The following ADAMTS14 variants were observed in gnomAD, a reference collection of about 807,000 sequenced individuals.
ADAMTS14 encodes the protein ADAM metallopeptidase with thrombospondin type 1 motif 14.
In ADAMTS14, 100 loss-of-function variants were observed where a neutral mutation model predicts 128.6. The ratio of observed to expected loss-of-function variants is 0.78; its 90% CI spans 0.66 to 0.92. The LOEUF (loss-of-function observed/expected upper bound fraction) is 0.92, where lower values mean the gene tolerates loss of function less well. Ranked by LOEUF, ADAMTS14 falls within the 40% of genes least tolerant of loss-of-function variation. The pLI is 0.00. For missense variants in ADAMTS14, 1,562 were observed against 1,658.6 expected, an observed-to-expected ratio of 0.94 and a Z score of 1.01; for synonymous variants, 665 against 653.8, an observed-to-expected ratio of 1.02 and a Z score of -0.26.
At position 70,760,929 on chromosome 10, in the gene ADAMTS14, TAGC is replaced by T; in HGVS notation, c.*79_*81del. 6.7e-7 allele frequency: 1 copy of T among 1,482,466 alleles called. No individual in the cohort carries two copies. Among genetic ancestry groups the T allele is most frequent in the Non-Finnish European group, 9.0e-7 (1 of 1,116,226 alleles). The allele number at this position is 1,482,466 out of a possible 1,614,324, so 91.8% of individuals were successfully genotyped here. On this transcript the variant is annotated 3_prime_UTR_variant, in exon 22 of 22. Coordinates refer to ENST00000373207, the MANE Select transcript of ADAMTS14 (RefSeq NM_080722.4). ...TGACTCCCAGCTCAGAGGACACACATAGCAGGGCAGGCGCAAGCACAGACTTCA... is the reference window on the plus strand; with the variant it reads ...TGACTCCCAGCTCAGAGGACACACATAGGGCAGGCGCAAGCACAGACTTCA...
chr10:70,703,749 G>C (rs1317117010), intron 3 of ADAMTS14, among the ~76,000 whole-genome samples: 1 of 152,216 alleles, frequency 6.6e-6, no homozygotes, highest in East Asian at 1.9e-4. Context: ...CAGCCACCAT[G>C]GTGGGCAGCT....
intron 4 of ADAMTS14, among the ~76,000 whole-genome samples, chr10:70,713,645 G>A (rs568151511): frequency 6.6e-6 from 1 of 152,354 alleles, no homozygotes; most frequent in South Asian, 2.1e-4. Context: ...CCCTCCTAGG[G>A]AAGACTGGCT....
chr10:70,714,973 G>C (rs892337207), intron 4 of ADAMTS14, among the ~76,000 whole-genome samples: 3 of 126,338 alleles, frequency 2.4e-5, no homozygotes, highest in African/African-American at 9.0e-5. Flanking sequence ...AAAAAAAAAA[G>C]AAACAAAACC....
At chr10:70,722,471 G>A (rs751856497) in intron 4 of ADAMTS14, among the ~76,000 whole-genome samples, 3 of 152,174 alleles carry the variant, frequency 2.0e-5, no homozygotes, top group Non-Finnish European at 2.9e-5. Context: ...GACAATGACT[G>A]CTGTCCTCAG....
chr10:70,681,193 G>A lies in ADAMTS14; in HGVS notation c.522+6198G>A, dbSNP rs540137075. On this transcript the variant is annotated intron_variant, in intron 2 of 21. Coordinates refer to ENST00000373207, the MANE Select transcript of ADAMTS14 (RefSeq NM_080722.4). ...CCATACTAAGCTTCAGTGATTTGTG[G>A]GAATACAGGGAAGCATAATGCATGC... Among the ~76,000 whole-genome samples the A allele has an allele frequency of 2.0e-5, 3 of 152,334 alleles. No individual in the cohort carries two copies. In the South Asian group the frequency reaches 6.2e-4, roughly 32 times the overall value.
intron 12 of ADAMTS14, among the ~76,000 whole-genome samples, chr10:70,742,346 G>A (rs181524441): frequency 1.3e-5 from 2 of 151,084 alleles, no homozygotes; most frequent in East Asian, 3.9e-4. Flanking sequence ...GGTCTTGGAG[G>A]TTGTGGCTTC....
rs1183291713 is a variant in ADAMTS14, at chr10:70,672,761, G to C, written c.-42G>C. On this transcript the variant is annotated 5_prime_UTR_variant, in exon 1 of 22. Coordinates refer to ENST00000373207, the MANE Select transcript of ADAMTS14 (RefSeq NM_080722.4). ...CCTCGCCGCCCTCAGCCTGGGACTT[G>C]GGGATCGGGCGCTTGCCCAGCCCGC... is the stretch of plus-strand genomic sequence containing the variant. The C allele has an allele frequency of 2.0e-6, 3 of 1,484,740 alleles. No individual in the cohort carries two copies. The highest frequency in any genetic ancestry group is 2.3e-5 in the Admixed American group (1 of 43,526). 92.0% of individuals were successfully genotyped at this position (1,484,740 alleles called of 1,614,324 possible).
chr10:70,695,468 T>A (rs1356761980), intron 2 of ADAMTS14, among the ~76,000 whole-genome samples: 2 of 152,108 alleles, frequency 1.3e-5, no homozygotes, highest in Non-Finnish European at 2.9e-5. Flanking sequence ...CTGCCGTGAA[T>A]CAGAGACAAC....
intron 4 of ADAMTS14, among the ~76,000 whole-genome samples, chr10:70,727,559 CGCGCTGGTGGCATCACATCCCTGACT>C (rs1293204291): frequency 1.4e-4 from 12 of 84,462 alleles, no homozygotes; most frequent in South Asian, 8.2e-4. Flanking sequence ...CATCCCTGAC[CGCGCTGGTGGCATCACATCCCTGACT>C]GCGCTGGTGG....
At position 70,753,808 on chromosome 10, in the gene ADAMTS14, C is replaced by A; in HGVS notation, c.2738C>A (p.Thr913Lys). Reference protein sequence around the residue: ...QHPCSQPVWVTEEWGACSRSC... With the variant: ...QHPCSQPVWVKEEWGACSRSC... ...TTTCACCCTGTTTCCAGGTGGGTGA[C>A]GGAGGAGTGGGGTGCCTGCAGCCGG... The change falls in exon 19 of 22, where the codon ACG becomes AAG. Residue 913 changes from threonine (T) to lysine (K), a missense_variant. Transcript: ENST00000373207. The A allele has an allele frequency of 6.3e-7, 1 of 1,577,856 alleles. No homozygotes were observed. Among genetic ancestry groups the A allele is most frequent in the South Asian group, 1.2e-5 (1 of 85,648 alleles).
intron 4 of ADAMTS14, among the ~76,000 whole-genome samples, chr10:70,714,479 C>CGTG (rs1267906528): frequency 6.6e-6 from 1 of 152,178 alleles, no homozygotes; most frequent in Non-Finnish European, 1.5e-5. Context: ...TGGTGCTGTC[C>CGTG]GTGGCTGGTG....
intron 3 of ADAMTS14, among the ~76,000 whole-genome samples, chr10:70,707,072 T>C (rs1338646098): frequency 6.6e-6 from 1 of 152,260 alleles, no homozygotes; most frequent in Admixed American, 6.5e-5. Context: ...CTCCTCTGGA[T>C]GCCTTCCCCA....
At chr10:70,719,189 T>A (rs10999482) in intron 4 of ADAMTS14, among the ~76,000 whole-genome samples, 34 of 151,880 alleles carry the variant, frequency 2.2e-4, no homozygotes, top group Non-Finnish European at 4.1e-4. Flanking sequence ...CCCCCTGACC[T>A]ATGGTATTAG....
At position 70,734,034 on chromosome 10, in the gene ADAMTS14, T is replaced by A. The variant is rs749383514; in HGVS notation, c.1352+6T>A. On this transcript the variant is annotated splice_donor_region_variant and intron_variant, in intron 8 of 21. Transcript: ENST00000373207. ...GAGCTCAGCCGCTACCTCCCGTAGG[T>A]CATTCCTGCCCTCAGAGCTGGGATA... The A allele has an allele frequency of 6.2e-7, 1 of 1,611,394 alleles. No individual in the cohort carries two copies. The highest frequency in any genetic ancestry group is 2.2e-5 in the East Asian group (1 of 44,852).
intron 7 of ADAMTS14, 117 bp from the exon 8 acceptor site, chr10:70,733,768 G>C: frequency 7.6e-7 from 1 of 1,316,836 alleles, no homozygotes; most frequent in Non-Finnish European, 1.0e-6. Context: ...AGGCCAGGAA[G>C]AGCGATCTGA....
intron 3 of ADAMTS14, among the ~76,000 whole-genome samples, chr10:70,703,247 C>T (rs996172431): frequency 2.0e-5 from 3 of 152,216 alleles, no homozygotes; most frequent in Admixed American, 6.5e-5. Flanking sequence ...GCGAATGAAA[C>T]TGGATGTGAC....
intron 3 of ADAMTS14, among the ~76,000 whole-genome samples, chr10:70,705,104 C>T (rs540617676): frequency 6.6e-6 from 1 of 152,270 alleles, no homozygotes; most frequent in Admixed American, 6.5e-5. Context: ...CATGAATGAG[C>T]CCCAGAGAAG....
chr10:70,734,496 C>A (rs916373736), intron 8 of ADAMTS14, among the ~76,000 whole-genome samples: 2 of 152,172 alleles, frequency 1.3e-5, no homozygotes, highest in African/African-American at 4.8e-5. Context: ...AACAGTGCCA[C>A]TGTGGCTTTC....
At chr10:70,745,108 G>A in intron 14 of ADAMTS14, 118 bp from the exon 15 acceptor site, 1 of 900,366 alleles carries the variant, frequency 1.1e-6, no homozygotes, top group Non-Finnish European at 1.7e-6. Context: ...CAGAGATTCA[G>A]AGAGGTTCTG....
Sources: gnomAD v4.1 joint callset for allele counts (sites outside exome capture counted in the v4.1 genomes callset) on GRCh38, gnomAD v4.1.1 for gene constraint, MANE v1.5 for transcripts, NCBI Gene and HGNC (gene_info 2026-07-23, HGNC 2026-07-21) for gene names.